Variants in DCHS1 observed in about 807,000 individuals in gnomAD.
DCHS1 encodes dachsous cadherin-related 1.
In DCHS1, 78 loss-of-function variants were observed where a neutral mutation model predicts 213.9. The ratio of observed to expected loss-of-function variants is 0.36; its 90% CI spans 0.30 to 0.44. The LOEUF (loss-of-function observed/expected upper bound fraction) is 0.44, where lower values mean the gene tolerates loss of function less well. DCHS1 is among the 20% of genes least tolerant of loss of function. DCHS1 has a pLI of 1.00. For missense variants in DCHS1, 3,946 were observed against 4,395.9 expected (o/e 0.90, Z 2.89); for synonymous variants, 1,828 against 1,873.7 (o/e 0.98, Z 0.63).
At position 6,622,533 on chromosome 11, in the gene DCHS1, T is replaced by C. The variant is rs1473476389; in HGVS notation, c.9143A>G (p.Asn3048Ser). The C allele has an allele frequency of 6.3e-7, 1 of 1,580,728 alleles. No individual in the cohort carries two copies. The highest frequency in any genetic ancestry group is 1.2e-5 in the South Asian group (1 of 86,152). Residue 3048 changes from asparagine to serine, a missense_variant, in exon 21 of 21, where the codon AAT becomes AGT. This residue lies in a region of DCHS1 where 554 missense variants were observed against 590.2 expected (regional missense o/e 0.94). Coordinates refer to ENST00000299441, the MANE Select transcript of DCHS1 (RefSeq NM_003737.4). The surrounding 1 kb of genome is among the most constrained non-coding windows in gnomAD (Gnocchi z 5.4). ...AAEDDEIRMI[N>S]EFPRVASVAS... is the part of the protein sequence containing the mutation. ...CACACTGGCCACACGGGGGAACTCA[T>C]TGATCATGCGGATCTCATCATCCTC...
intron 1 of DCHS1, among the ~76,000 whole-genome samples, chr11:6,647,779 G>A (rs1416453545): frequency 6.6e-6 from 1 of 152,184 alleles, no homozygotes; most frequent in African/African-American, 2.4e-5. Context: ...AAGATGGAGA[G>A]AATAAGAAAT....
intron 2 of DCHS1, among the ~76,000 whole-genome samples, chr11:6,637,801 T>C (rs575148203): frequency 1.3e-5 from 2 of 152,220 alleles, no homozygotes; most frequent in South Asian, 2.1e-4. Context: ...CTCCCCTCTA[T>C]AAACTCCTTA....
At chr11:6,639,682 T>C in intron 2 of DCHS1, 135 bp downstream of exon 2, 2 of 765,358 alleles carry the variant, frequency 2.6e-6, no homozygotes, top group African/African-American at 3.5e-5. Context: ...TTTTGGAGCT[T>C]ACAACATAGG....
chr11:6,646,770 G>A (rs568096120), intron 1 of DCHS1, among the ~76,000 whole-genome samples: 9 of 152,236 alleles, frequency 5.9e-5, no homozygotes, highest in East Asian at 1.9e-4. Flanking sequence ...ATTAGGAGGG[G>A]GAGGGGCAAG....
Position 6,640,374 on chromosome 11 carries a change from G to A in DCHS1, c.1240C>T (p.Leu414=). 6.2e-7 allele frequency: 1 copy of A among 1,613,544 alleles called. No individual in the cohort carries two copies. Residue 414 remains leucine (L), a synonymous_variant, in exon 2 of 21, where the codon CTA becomes TTA. Transcript: ENST00000299441. This position sits in a 1 kb window ranked among gnomAD's most constrained non-coding sequence, Gnocchi z 6.5. ...SLEGGEGHFA[L]STQDSVIYLV... ...TAGATGACGCTGTCTTGGGTGCTTA[G>A]GGCAAAGTGGCCCTCTCCACCTTCC...
rs149672279 is a variant in DCHS1, at chr11:6,650,416, G to A, written c.-121+5147C>T. On this transcript the variant is annotated intron_variant, in intron 1 of 20. Transcript: ENST00000299441. ...AGATGGATACAGGAGCTGAAGGAAG[G>A]GGGGTCAGCAGGAAGCTGGGAAGAA... 1.5e-4 allele frequency among the ~76,000 whole-genome samples: 23 copies of A among 152,302 alleles called. 2 individuals are homozygous for A. The East Asian group carries it at 4.1e-3, about 27-fold the overall frequency.
Position 6,629,774 on chromosome 11 carries a change from C to T in DCHS1, c.4933G>A (p.Glu1645Lys), listed in dbSNP as rs774740188. The T allele has an allele frequency of 6.8e-6, 11 of 1,613,582 alleles. No individual in the cohort carries two copies. Among genetic ancestry groups the T allele is most frequent in the African/African-American group, 2.7e-5 (2 of 74,948 alleles). The change falls in exon 11 of 21, where the codon GAG (glutamate) becomes AAG (lysine). Residue 1645 changes from glutamate to lysine, a missense_variant. Glu to Lys is a moderately conservative substitution (Grantham distance 56, BLOSUM62 1). Coordinates refer to ENST00000299441, the MANE Select transcript of DCHS1 (RefSeq NM_003737.4). Reference sequence around the variant, plus strand: ...TCCTGCTGCTGGAAAGTAGGCGCCTCGTCGTTGACGTCAGCGACACTGACG... The same window carrying T: ...TCCTGCTGCTGGAAAGTAGGCGCCTTGTCGTTGACGTCAGCGACACTGACG... ...LTVSVADVND[E>K]APTFQQQEYS... is the part of the protein sequence containing the mutation.
intron 1 of DCHS1, among the ~76,000 whole-genome samples, chr11:6,646,330 T>G (rs1454772892): frequency 6.6e-6 from 1 of 152,174 alleles, no homozygotes; most frequent in African/African-American, 2.4e-5. Flanking sequence ...GTCTGGACTG[T>G]GCCTCATCAC....
chr11:6,634,016 C>T lies in DCHS1; in HGVS notation c.1991G>A (p.Gly664Asp). Residue 664 changes from glycine (G) to aspartate (D), a missense_variant, in exon 4 of 21, where the codon GGC becomes GAC. Around this residue, in one of 3 missense-constraint regions of DCHS1, gnomAD observed 3,384 missense variants for 3,780.1 expected, o/e 0.90. Transcript: ENST00000299441. ...DFTVTAVDGG[G>D]LKSMVYVKVF... ...CTTCACATATACCATGGACTTGAGG[C>T]CTCCCTGGTGGGACATGCAGCCATA... 6.2e-7 allele frequency: 1 copy of T among 1,613,524 alleles called. No individual in the cohort carries two copies. The highest frequency in any genetic ancestry group is 8.5e-7 in the Non-Finnish European group (1 of 1,179,636).
In DCHS1 at chr11:6,648,122, G is replaced by A. The variant is rs138175084; in HGVS notation, c.-120-6389C>T. On this transcript the variant is annotated intron_variant, in intron 1 of 20. Coordinates refer to ENST00000299441, the MANE Select transcript of DCHS1 (RefSeq NM_003737.4). ...GGGATCCCCATGTGAAGATATTCAA[G>A]CACAGCTGGGTTTGCAAGCCTGCAG... Among the ~76,000 whole-genome samples, 936 of 152,318 alleles carry A rather than the reference G, an allele frequency of 6.1e-3. 11 individuals carry two copies. The highest frequency in any genetic ancestry group is 0.021 in the African/African-American group (886 of 41,554).
chr11:6,623,756 A>G lies in DCHS1; in HGVS notation c.7920T>C (p.Thr2640=). Reference sequence around the variant, plus strand: ...GCCCTGATGGGTCGCCTGAGCTGACAGTGAAACGCACGAGGCCATGAGGGC... The same window carrying G: ...GCCCTGATGGGTCGCCTGAGCTGACGGTGAAACGCACGAGGCCATGAGGGC... The part of the protein sequence containing the change: ...DPGPHGLVRF[T]VSSGDPSGLF... The change falls in exon 21 of 21, where the codon ACT becomes ACC. Residue 2640 remains threonine (T), a synonymous_variant. Transcript: ENST00000299441. The G allele has an allele frequency of 1.9e-6, 3 of 1,613,972 alleles. No individual in the cohort carries two copies. Among genetic ancestry groups the G allele is most frequent in the Non-Finnish European group, 2.5e-6 (3 of 1,179,908 alleles).
rs1856304835 is a variant in DCHS1 at position 6,655,622 on chromosome 11, C to T, written c.-180G>A. The T allele has an allele frequency of 1.0e-6, 1 of 979,866 alleles. No individual in the cohort carries two copies. The highest frequency in any genetic ancestry group is 4.7e-5 in the South Asian group (1 of 21,274). The allele number at this position is 979,866 out of a possible 1,614,324, so 60.7% of individuals were successfully genotyped here. ...GGGCGCCGTCCGGCCGCGGTCAGCC[C>T]CCCGGGCAGCGCCCGCTCGCGCGGG... On this transcript the variant is annotated 5_prime_UTR_variant, in exon 1 of 21. Transcript: ENST00000299441.
In DCHS1 at chr11:6,655,593, G is replaced by A; in HGVS notation, c.-151C>T. On this transcript the variant is annotated 5_prime_UTR_variant, in exon 1 of 21. Transcript: ENST00000299441. Reference sequence around the variant, plus strand: ...CGCGACGCGGGCTCCCTCGCCCGGTGCTGGGGCGCCGTCCGGCCGCGGTCA... The same window carrying A: ...CGCGACGCGGGCTCCCTCGCCCGGTACTGGGGCGCCGTCCGGCCGCGGTCA... 2 of 980,194 alleles carry A rather than the reference G, an allele frequency of 2.0e-6. No homozygotes were observed. Among genetic ancestry groups the A allele is most frequent in the Non-Finnish European group, 2.4e-6 (2 of 827,936 alleles). 60.7% of individuals were successfully genotyped at this position (980,194 alleles called of 1,614,324 possible). A position where few individuals can be genotyped will look rare whatever the true frequency, so the allele number is the denominator to read the frequency against.
At position 6,622,700 on chromosome 11, in the gene DCHS1, C is replaced by T; in HGVS notation, c.8976G>A (p.Glu2992=). ...ASDSLQKLGR[E]PPSPPPSEHL... The stretch of plus-strand genomic sequence containing the variant: ...GCTCAGAGGGTGGTGGACTAGGTGG[C>T]TCCCGGCCCAGTTTCTGCAGTGAGT... The change falls in exon 21 of 21, where the codon GAG becomes GAA. Residue 2992 remains glutamate (E), a synonymous_variant. Transcript: ENST00000299441. This position sits in a 1 kb window ranked among gnomAD's most constrained non-coding sequence, Gnocchi z 5.4. 2.5e-6 allele frequency: 4 copies of T among 1,592,248 alleles called. No individual in the cohort carries two copies. The highest frequency in any genetic ancestry group is 3.4e-6 in the Non-Finnish European group (4 of 1,169,614).
At position 6,623,943 on chromosome 11, in the gene DCHS1, C is replaced by T. The variant is rs748429322; in HGVS notation, c.7733G>A (p.Gly2578Glu). The change falls in exon 21 of 21, where the codon GGG becomes GAG. Residue 2578 changes from glycine (G) to glutamate (E), a missense_variant. Transcript: ENST00000299441. ...YNLTVAAADR[G>E]QPPQSSVVPV... ...CACGACTGAGCTTTGGGGTGGCTGC[C>T]CACGGTCAGCTGCAGCCACTGTTAG... 1.2e-6 allele frequency: 2 copies of T among 1,606,208 alleles called. No homozygotes were observed. The highest frequency in any genetic ancestry group is 1.3e-5 in the African/African-American group (1 of 74,736).
Position 6,621,504 on chromosome 11 carries a change from G to C in DCHS1, c.*275C>G. 1 of 580,076 alleles carries C rather than the reference G, an allele frequency of 1.7e-6. No homozygotes were observed. Among genetic ancestry groups the C allele is most frequent in the Non-Finnish European group, 3.2e-6 (1 of 312,372 alleles). The allele number at this position is 580,076 out of a possible 1,614,324, so 35.9% of individuals were successfully genotyped here. On this transcript the variant is annotated 3_prime_UTR_variant, in exon 21 of 21. Coordinates refer to ENST00000299441, the MANE Select transcript of DCHS1 (RefSeq NM_003737.4). The stretch of plus-strand genomic sequence containing the variant: ...GTCTCAGCTCCATCTCAGGGTGCTG[G>C]TGCAGGGCAGGGATCCCTCACTGAG...
intron 1 of DCHS1, among the ~76,000 whole-genome samples, chr11:6,642,280 T>A (rs149920764): frequency 6.6e-6 from 1 of 152,146 alleles, no homozygotes; most frequent in East Asian, 1.9e-4. Context: ...GCACCTACAA[T>A]ATAGAGGCAC....
chr11:6,640,669 C>A lies in DCHS1; in HGVS notation c.945G>T (p.Gln315His). Residue 315 changes from glutamine (Q) to histidine (H), a missense_variant, in exon 2 of 21, where the codon CAG (glutamine) becomes CAT (histidine). By Grantham distance (24) the Gln-to-His change is conservative (BLOSUM62 0). This residue lies in a region of DCHS1 where 3,384 missense variants were observed against 3,780.1 expected (regional missense o/e 0.90). Transcript: ENST00000299441. This position sits in a 1 kb window ranked among gnomAD's most constrained non-coding sequence, Gnocchi z 6.5. Reference sequence around the variant, plus strand: ...GCTCAAAGTCCAGTGGCCGCTCTAACTGCAGCAGCCCCGTGTGTGCGTCGA... The same window carrying A: ...GCTCAAAGTCCAGTGGCCGCTCTAAATGCAGCAGCCCCGTGTGTGCGTCGA... Reference protein sequence around the residue: ...FSIDAHTGLLQLERPLDFEQR... With the variant: ...FSIDAHTGLLHLERPLDFEQR... 2 of 1,613,312 alleles carry A rather than the reference C, an allele frequency of 1.2e-6. No individual in the cohort carries two copies. The highest frequency in any genetic ancestry group is 1.7e-6 in the Non-Finnish European group (2 of 1,179,898).
Position 6,640,754 on chromosome 11 carries a change from T to C in DCHS1, c.860A>G (p.Asn287Ser), listed in dbSNP as rs1166183471. Residue 287 changes from asparagine to serine, a missense_variant, in exon 2 of 21, where the codon AAT becomes AGT. Around this residue, in one of 3 missense-constraint regions of DCHS1, gnomAD observed 3,384 missense variants for 3,780.1 expected, o/e 0.90. Transcript: ENST00000299441. This position sits in a 1 kb window ranked among gnomAD's most constrained non-coding sequence, Gnocchi z 6.5. ...VFASDADAGV[N>S]GAVTYEINRR... ...GTTGATCTCGTAAGTCACAGCCCCA[T>C]TGACACCAGCATCGGCATCAGATGC... The C allele has an allele frequency of 1.9e-6, 3 of 1,613,830 alleles. No individual in the cohort carries two copies. Among genetic ancestry groups the C allele is most frequent in the Middle Eastern group, 1.6e-4 (1 of 6,084 alleles).
Sources: allele counts gnomAD v4.1 joint callset (sites outside exome capture counted in the v4.1 genomes callset), GRCh38; gene constraint gnomAD v4.1.1; regional missense constraint gnomAD v4.1.1; non-coding constraint Gnocchi (gnomAD v3.1); transcripts MANE v1.5; gene names NCBI Gene and HGNC (gene_info 2026-07-23, HGNC 2026-07-21).